FAM107B: variants seen among roughly 807,000 people sequenced by gnomAD.
FAM107B encodes the protein protein FAM107B.
A neutral mutation model predicts 31.5 loss-of-function variants in FAM107B; 21 were observed. The ratio of observed to expected loss-of-function variants is 0.67; its 90% CI spans 0.47 to 0.96. The LOEUF is 0.96. Ranked by LOEUF, FAM107B falls within the 40% of genes least tolerant of loss-of-function variation. FAM107B has a pLI of 0.00. For missense variants in FAM107B, 452 were observed against 377.1 expected, an observed-to-expected ratio of 1.20 and a Z score of -1.64; for synonymous variants, 157 against 141.5, an observed-to-expected ratio of 1.11 and a Z score of -0.78.
At chr10:14,560,338 A>G (rs577493439) in intron 2 of FAM107B, among the ~76,000 whole-genome samples, 80 of 152,356 alleles carry the variant, frequency 5.3e-4, no homozygotes, top group African/African-American at 1.9e-3. Context: ...AAACTAAACC[A>G]AGATACATAA....
At chr10:14,714,164 T>A (rs11818480) in intron 1 of FAM107B, among the ~76,000 whole-genome samples, 19,854 of 152,164 alleles carry the variant, frequency 0.13, 1,681 homozygotes, top group African/African-American at 0.24. Context: ...ACCTGTGTAT[T>A]TACCCCTGAG....
At chr10:14,680,510 G>T (rs985854820) in intron 1 of FAM107B, among the ~76,000 whole-genome samples, 1 of 150,074 alleles carries the variant, frequency 6.7e-6, no homozygotes, top group African/African-American at 2.5e-5. Context: ...GGAGGCAGAG[G>T]TTGCAGTGAA....
chr10:14,605,472 GA>G (rs1397016021), intron 2 of FAM107B, among the ~76,000 whole-genome samples: 3 of 152,164 alleles, frequency 2.0e-5, no homozygotes, highest in African/African-American at 7.2e-5. Flanking sequence ...TATTTATGGG[GA>G]AATTTTTCTG....
intron 1 of FAM107B, among the ~76,000 whole-genome samples, chr10:14,772,362 A>AAAT (rs10651238): frequency 6.9e-5 from 10 of 145,640 alleles, no homozygotes; most frequent in African/African-American, 2.6e-4. Context: ...TTAAAAAAAA[A>AAAT]ATATATATAT....
At position 14,699,638 on chromosome 10, in the gene FAM107B, A is replaced by G. The variant is rs965667207; in HGVS notation, c.412-31947T>C. 5.3e-5 allele frequency among the ~76,000 whole-genome samples: 8 copies of G among 152,316 alleles called. No homozygotes were observed. In the South Asian group the frequency reaches 8.3e-4, roughly 16 times the overall value. ...ACTCAGTCCACCAACTCAAATGCCA[A>G]TCTCTTCCAGGAACACCCTCACAGA... On this transcript the variant is annotated intron_variant, in intron 1 of 4. Transcript: ENST00000181796.
chr10:14,535,378 T>G (rs953649181), intron 2 of FAM107B, among the ~76,000 whole-genome samples: 1 of 152,198 alleles, frequency 6.6e-6, no homozygotes, highest in African/African-American at 2.4e-5. Flanking sequence ...GAGAACTCAA[T>G]AGAAGCTATT....
At chr10:14,554,041 C>A in intron 2 of FAM107B, 3 of 937,028 alleles carry the variant, frequency 3.2e-6, no homozygotes, top group Non-Finnish European at 3.8e-6. Context: ...TCTGGCCCAT[C>A]CTAAGAGGCT....
At chr10:14,605,103 G>C (rs1294857153) in intron 2 of FAM107B, among the ~76,000 whole-genome samples, 4 of 152,196 alleles carry the variant, frequency 2.6e-5, no homozygotes, top group African/African-American at 9.7e-5. Flanking sequence ...GGAGGAAAAG[G>C]AGACATTTGT....
intron 2 of FAM107B, among the ~76,000 whole-genome samples, chr10:14,649,303 A>T (rs1853841300): frequency 6.6e-6 from 1 of 152,232 alleles, no homozygotes; most frequent in East Asian, 1.9e-4. Context: ...TCTTTGACAC[A>T]TTTTGAAATG....
chr10:14,637,088 G>C (rs1853518624), intron 2 of FAM107B, among the ~76,000 whole-genome samples: 1 of 152,144 alleles, frequency 6.6e-6, no homozygotes, highest in Admixed American at 6.5e-5. Context: ...GGGAGACTTT[G>C]TTCCTACTCA....
chr10:14,583,035 G>A (rs1026501858), intron 2 of FAM107B, among the ~76,000 whole-genome samples: 19 of 150,822 alleles, frequency 1.3e-4, no homozygotes, highest in African/African-American at 2.2e-4. Flanking sequence ...TGCAGTAAGC[G>A]GAGATCGCGC....
At chr10:14,546,871 G>A (rs1047333452) in intron 2 of FAM107B, among the ~76,000 whole-genome samples, 1 of 152,036 alleles carries the variant, frequency 6.6e-6, no homozygotes, top group Non-Finnish European at 1.5e-5. Context: ...ACACAGATGG[G>A]CCCACATTAC....
rs1418254884 is a variant in FAM107B at position 14,573,413 on chromosome 10, C to CCA, written c.470-42900_470-42899dup. On this transcript the variant is annotated intron_variant, in intron 2 of 4. Transcript: ENST00000181796. Reference sequence around the variant, plus strand: ...ATGCAGGCCCTCGACCTTGGACTTCCCAGTCTCCAGAACTATAAGAAACAC... The same window carrying CCA: ...ATGCAGGCCCTCGACCTTGGACTTCCCACAGTCTCCAGAACTATAAGAAACAC... 2.6e-5 allele frequency among the ~76,000 whole-genome samples: 4 copies of CCA among 151,998 alleles called. No individual in the cohort carries two copies. In the East Asian group the frequency reaches 7.7e-4, roughly 29 times the overall value.
intron 2 of FAM107B, among the ~76,000 whole-genome samples, chr10:14,586,646 A>T (rs75560118): frequency 0.014 from 2,135 of 152,274 alleles, 59 homozygotes; most frequent in African/African-American, 0.047. Context: ...ACCAGACACC[A>T]AATCTGCCAG....
intron 2 of FAM107B, chr10:14,604,315 C>T: frequency 2.1e-6 from 2 of 966,438 alleles, no homozygotes; most frequent in Non-Finnish European, 2.5e-6. Context: ...AGCGGCCCGA[C>T]TGCTCGGCGG....
chr10:14,693,457 G>C (rs184142186), intron 1 of FAM107B, among the ~76,000 whole-genome samples: 1 of 144,378 alleles, frequency 6.9e-6, no homozygotes, highest in Non-Finnish European at 1.5e-5. Flanking sequence ...CAGCCTCGGC[G>C]ACAGAGTGAC....
chr10:14,562,439 T>C (rs752820405), intron 2 of FAM107B, among the ~76,000 whole-genome samples: 3 of 152,204 alleles, frequency 2.0e-5, no homozygotes, highest in Non-Finnish European at 4.4e-5. Flanking sequence ...CTACAAGTGG[T>C]AGAGGCAGAG....
intron 2 of FAM107B, among the ~76,000 whole-genome samples, chr10:14,607,368 TTTTAA>T (rs1852620289): frequency 2.0e-5 from 3 of 152,214 alleles, no homozygotes. Context: ...CTTAGTGGGA[TTTTAA>T]TTCAGGTAAG....
chr10:14,544,631 AC>A (rs1463432329), intron 2 of FAM107B, among the ~76,000 whole-genome samples: 1 of 152,224 alleles, frequency 6.6e-6, no homozygotes, highest in African/African-American at 2.4e-5. Flanking sequence ...ACCGTGAAAC[AC>A]CCTTGAACGC....
Sources: gnomAD v4.1 joint callset for allele counts (sites outside exome capture counted in the v4.1 genomes callset) on GRCh38, gnomAD v4.1.1 for gene constraint, MANE v1.5 for transcripts, NCBI Gene and HGNC (gene_info 2026-07-23, HGNC 2026-07-21) for gene names.